Variants in WDFY3 observed in about 807,000 individuals in gnomAD.
WDFY3 encodes WD repeat and FYVE domain containing 3, also known as WD repeat and FYVE domain-containing protein 3.
In WDFY3, 66 loss-of-function variants were observed where a neutral mutation model predicts 409.6. The observed-to-expected ratio is 0.16, with a 90% CI of 0.13 to 0.20. WDFY3 has a LOEUF of 0.20. Among genes scored for constraint, WDFY3 ranks in the 10% least tolerant of loss-of-function variants. The pLI, the probability that WDFY3 is intolerant of heterozygous loss-of-function variation, is 1.00. For missense variants in WDFY3, 3,031 were observed against 4,298.1 expected (o/e 0.71, Z 8.24); for synonymous variants, 1,521 against 1,537.1 (o/e 0.99, Z 0.25).
intron 3 of WDFY3, among the ~76,000 whole-genome samples, chr4:84,889,817 A>G (rs1288571975): frequency 6.6e-6 from 1 of 152,172 alleles, no homozygotes; most frequent in East Asian, 1.9e-4. Context: ...TTTAGTTATG[A>G]CATGATTAGA....
intron 36 of WDFY3, among the ~76,000 whole-genome samples, chr4:84,744,204 T>G (rs2149249171): frequency 6.6e-6 from 1 of 150,806 alleles, no homozygotes; most frequent in East Asian, 1.9e-4. Flanking sequence ...TACTTGACTA[T>G]TATCACACCT....
intron 27 of WDFY3, among the ~76,000 whole-genome samples, chr4:84,775,730 G>A (rs1386190978): frequency 6.6e-6 from 1 of 151,566 alleles, no homozygotes; most frequent in Non-Finnish European, 1.5e-5. Context: ...AAATTCAAAT[G>A]TGATGAAAAT....
chr4:84,671,201 C>T lies in WDFY3; in HGVS notation c.*1667G>A, dbSNP rs1269965293. ...TACAAGATCACCATTGTACCAAATGCCTATTTTTGAATGCATGTGCATATA... is the reference window on the plus strand; with the variant it reads ...TACAAGATCACCATTGTACCAAATGTCTATTTTTGAATGCATGTGCATATA... On this transcript the variant is annotated 3_prime_UTR_variant, in exon 68 of 68. Transcript: ENST00000295888. 2 of 152,486 alleles carry T rather than the reference C, an allele frequency of 1.3e-5. No homozygotes were observed. Among genetic ancestry groups the T allele is most frequent in the Non-Finnish European group, 2.9e-5 (2 of 68,020 alleles). The allele number at this position is 152,486 out of a possible 1,614,324, so 9.4% of individuals were successfully genotyped here.
intron 1 of WDFY3, among the ~76,000 whole-genome samples, chr4:84,958,116 A>T (rs987544894): frequency 4.6e-5 from 7 of 152,184 alleles, no homozygotes; most frequent in African/African-American, 1.7e-4. Flanking sequence ...GGCTGTCAGG[A>T]AACGTTAAGG....
intron 1 of WDFY3, among the ~76,000 whole-genome samples, chr4:84,946,031 T>C (rs759303618): frequency 2.0e-5 from 3 of 152,084 alleles, no homozygotes; most frequent in Non-Finnish European, 4.4e-5. Flanking sequence ...AGAAAAGAAC[T>C]TGGGGGAATC....
intron 2 of WDFY3, among the ~76,000 whole-genome samples, chr4:84,928,807 G>C (rs1213234168): frequency 6.6e-6 from 1 of 152,104 alleles, no homozygotes; most frequent in Admixed American, 6.6e-5. Context: ...TATTTTATGA[G>C]AAATATCATG....
chr4:84,913,271 GA>G (rs1488105725), intron 2 of WDFY3, among the ~76,000 whole-genome samples: 5 of 152,050 alleles, frequency 3.3e-5, no homozygotes, highest in Admixed American at 6.6e-5. Context: ...TGAAAGTCTA[GA>G]AAAATGACAC....
intron 5 of WDFY3, among the ~76,000 whole-genome samples, chr4:84,845,071 T>C (rs1429730846): frequency 6.6e-6 from 1 of 152,174 alleles, no homozygotes; most frequent in Non-Finnish European, 1.5e-5. Flanking sequence ...ATAAGCTTGT[T>C]TCCTACTGAG....
At chr4:84,834,499 A>C (rs1756275694) in intron 7 of WDFY3, among the ~76,000 whole-genome samples, 1 of 151,974 alleles carries the variant, frequency 6.6e-6, no homozygotes, top group Non-Finnish European at 1.5e-5. Flanking sequence ...ACAAAAAAAA[A>C]AAACTAGCCA....
Position 84,696,130 on chromosome 4 carries a change from A to G in WDFY3, c.8741T>C (p.Ile2914Thr), listed in dbSNP as rs777313566. Residue 2914 changes from isoleucine (I) to threonine (T), a missense_variant, in exon 58 of 68, where the codon ATC becomes ACC. Around this residue, in one of 16 missense-constraint regions of WDFY3, gnomAD observed 129 missense variants for 305.3 expected, o/e 0.42. Transcript: ENST00000295888. ...AGGGCCTTGCTGTTTATAACCGAAGATTAAGTCAATCCACTCATGTAGATG... is the reference window on the plus strand; with the variant it reads ...AGGGCCTTGCTGTTTATAACCGAAGGTTAAGTCAATCCACTCATGTAGATG... ...SAHLHEWIDL[I>T]FGYKQQGPAA... 1 of 1,614,166 alleles carries G rather than the reference A, an allele frequency of 6.2e-7. No individual in the cohort carries two copies. Among genetic ancestry groups the G allele is most frequent in the South Asian group, 1.1e-5 (1 of 91,082 alleles).
chr4:84,890,135 T>C (rs1326542467), intron 3 of WDFY3, among the ~76,000 whole-genome samples: 1 of 152,190 alleles, frequency 6.6e-6, no homozygotes. Context: ...AGTGTCTCAC[T>C]GTAACTCAGG....
At chr4:84,797,817 C>T (rs1288470529) in intron 18 of WDFY3, among the ~76,000 whole-genome samples, 179 bp downstream of exon 18, 4 of 152,022 alleles carry the variant, frequency 2.6e-5, no homozygotes, top group African/African-American at 9.7e-5. Flanking sequence ...GTGATCCGCC[C>T]GTCTCGGCCT....
rs35170077 is a variant in WDFY3 at position 84,940,581 on chromosome 4, CT to C, written c.-225-8219del. 4.1e-3 allele frequency among the ~76,000 whole-genome samples: 628 copies of C among 152,040 alleles called. 3 individuals are homozygous for C. The highest frequency in any genetic ancestry group is 6.3e-3 in the Non-Finnish European group (431 of 67,928). Reference sequence around the variant, plus strand: ...CATATATATGTATGTGTTATTTTCCCTTTTTTCTTACATAAAAGATAGCACA... The same window carrying C: ...CATATATATGTATGTGTTATTTTCCCTTTTTCTTACATAAAAGATAGCACA... On this transcript the variant is annotated intron_variant, in intron 1 of 67. Coordinates refer to ENST00000295888, the MANE Select transcript of WDFY3 (RefSeq NM_014991.6).
intron 51 of WDFY3, among the ~76,000 whole-genome samples, chr4:84,712,754 G>A (rs999066042): frequency 2.6e-5 from 4 of 151,994 alleles, no homozygotes; most frequent in African/African-American, 9.7e-5. Context: ...TGATAAAGAT[G>A]AAATATCCAA....
rs187795164 is a variant in WDFY3, at chr4:84,939,813, T to G, written c.-225-7450A>C. 5.3e-5 allele frequency among the ~76,000 whole-genome samples: 8 copies of G among 152,262 alleles called. No individual in the cohort carries two copies. The East Asian group carries it at 1.5e-3, about 29-fold the overall frequency. On this transcript the variant is annotated intron_variant, in intron 1 of 67. Coordinates refer to ENST00000295888, the MANE Select transcript of WDFY3 (RefSeq NM_014991.6). ...ACCCTATCCTAGAATCATCTATTTC[T>G]GTGAGGAGCTCTGGTTCCTTTGACT...
chr4:84,950,186 G>C (rs932739753), intron 1 of WDFY3, among the ~76,000 whole-genome samples: 1 of 151,978 alleles, frequency 6.6e-6, no homozygotes, highest in Admixed American at 6.6e-5. Flanking sequence ...TTCATAAGTG[G>C]GAGTTGAACA....
intron 62 of WDFY3, among the ~76,000 whole-genome samples, chr4:84,687,277 G>T (rs1248166704): frequency 6.6e-6 from 1 of 151,996 alleles, no homozygotes; most frequent in Non-Finnish European, 1.5e-5. Context: ...CCAAATAGCT[G>T]GGATTAAAGG....
Position 84,877,592 on chromosome 4 carries a change from C to T in WDFY3, c.-31-16970G>A, listed in dbSNP as rs938596303. On this transcript the variant is annotated intron_variant, in intron 3 of 67. Coordinates refer to ENST00000295888, the MANE Select transcript of WDFY3 (RefSeq NM_014991.6). ...GGAATTAAAGGTGTGAGCCACTGTG[C>T]CTGGCTGAAAGCATTCCTGAATCTC... is the stretch of plus-strand genomic sequence containing the variant. Among the ~76,000 whole-genome samples the T allele has an allele frequency of 2.6e-5, 4 of 152,200 alleles. No individual in the cohort carries two copies. The East Asian group carries it at 5.8e-4, about 22-fold the overall frequency.
At chr4:84,793,383 T>A (rs1036137631) in intron 21 of WDFY3, among the ~76,000 whole-genome samples, 8 of 152,164 alleles carry the variant, frequency 5.3e-5, no homozygotes, top group Admixed American at 2.6e-4. Context: ...ATGTCTAATA[T>A]GCAGCTGGAA....
Sources: gnomAD v4.1 joint callset for allele counts (sites outside exome capture counted in the v4.1 genomes callset) on GRCh38, gnomAD v4.1.1 for gene constraint, gnomAD v4.1.1 regional missense constraint, MANE v1.5 for transcripts, NCBI Gene and HGNC (gene_info 2026-07-23, HGNC 2026-07-21) for gene names.